SAMD4A: variants seen among roughly 807,000 people sequenced by gnomAD.
The protein encoded by SAMD4A is protein Smaug homolog 1.
SAMD4A carries 33 observed loss-of-function variants against 81.3 expected under a neutral mutation model. The observed-to-expected ratio is 0.41, with a 90% CI of 0.31 to 0.54. SAMD4A has a LOEUF of 0.54. Ranked by LOEUF, SAMD4A falls within the 20% of genes least tolerant of loss-of-function variation. The probability of loss-of-function intolerance (pLI) is 0.37; values close to 1 mark genes in which losing one functional copy is unlikely to be tolerated. For missense variants in SAMD4A, 854 were observed against 951.1 expected (o/e 0.90, Z 1.34); for synonymous variants, 389 against 382.1 (o/e 1.02, Z -0.21).
intron 8 of SAMD4A, among the ~76,000 whole-genome samples, chr14:54,769,201 T>G (rs2038638195): frequency 6.6e-6 from 1 of 152,216 alleles, no homozygotes; most frequent in African/African-American, 2.4e-5. Context: ...GCAGCAGAAT[T>G]ACCAGGGCAC....
chr14:54,580,295 A>G (rs2033426557), intron 2 of SAMD4A, among the ~76,000 whole-genome samples: 2 of 152,214 alleles, frequency 1.3e-5, no homozygotes, highest in Non-Finnish European at 2.9e-5. Context: ...TTCAAAGACT[A>G]CATTCATTAA....
chr14:54,733,615 A>G (rs745966086), intron 3 of SAMD4A, among the ~76,000 whole-genome samples: 2 of 151,716 alleles, frequency 1.3e-5, no homozygotes, highest in Admixed American at 6.6e-5. Flanking sequence ...CTAGGTTGAG[A>G]TTTTTTTTTA....
chr14:54,766,555 G>A (rs1051283657), intron 8 of SAMD4A, among the ~76,000 whole-genome samples: 2 of 152,186 alleles, frequency 1.3e-5, no homozygotes, highest in African/African-American at 2.4e-5. Flanking sequence ...AAAGGCAAGC[G>A]AGAGTCCTGG....
rs182137827 is a variant in SAMD4A, at chr14:54,599,926, C to T, written c.196+31814C>T. Among the ~76,000 whole-genome samples the T allele has an allele frequency of 3.5e-3, 526 of 152,204 alleles. 5 individuals are homozygous for T. The highest frequency in any genetic ancestry group is 0.01 in the African/African-American group (435 of 41,520). ...ATCTCTTCATCTGAAATAAAAATTT[C>T]GAGAGAGTTTATAGATTTGTAGTCT... On this transcript the variant is annotated intron_variant, in intron 2 of 12. Transcript: ENST00000554335.
At chr14:54,756,620 T>A (rs1364179800) in intron 6 of SAMD4A, among the ~76,000 whole-genome samples, 3 of 152,194 alleles carry the variant, frequency 2.0e-5, no homozygotes, top group Non-Finnish European at 4.4e-5. Flanking sequence ...GAGGAAAGAA[T>A]GGATGCGCTA....
intron 2 of SAMD4A, among the ~76,000 whole-genome samples, chr14:54,673,223 A>G (rs1368187833): frequency 6.6e-6 from 1 of 152,220 alleles, no homozygotes; most frequent in Non-Finnish European, 1.5e-5. Context: ...CTGACAGCCA[A>G]GTCACCCCAA....
At chr14:54,720,360 A>G (rs889645704) in intron 3 of SAMD4A, among the ~76,000 whole-genome samples, 2 of 152,190 alleles carry the variant, frequency 1.3e-5, no homozygotes, top group East Asian at 3.8e-4. Flanking sequence ...GTCTCAAATA[A>G]GAAGCATTCC....
chr14:54,575,506 G>T (rs1489152269), intron 2 of SAMD4A, among the ~76,000 whole-genome samples: 1 of 152,162 alleles, frequency 6.6e-6, no homozygotes, highest in African/African-American at 2.4e-5. Context: ...TAGCTCTGGC[G>T]GTGGGACCTC....
rs754093338 is a variant in SAMD4A at position 54,702,447 on chromosome 14, G to T, written c.582G>T (p.Arg194=). 18 of 1,614,078 alleles carry T rather than the reference G, an allele frequency of 1.1e-5. No homozygotes were observed. The Admixed American group carries it at 3.0e-4, about 27-fold the overall frequency. Residue 194 remains arginine (R), a synonymous_variant, in exon 3 of 13, where the codon CGG becomes CGT. Coordinates refer to ENST00000554335, the MANE Select transcript of SAMD4A (RefSeq NM_015589.6). The stretch of plus-strand genomic sequence containing the variant: ...AGCTCAATGGGTGGCAGAACTCTCG[G>T]GATTCTGGGATTTGCATCAATGCCT... The part of the protein sequence containing the change: ...DDKLNGWQNS[R]DSGICINASN...
intron 2 of SAMD4A, chr14:54,688,195 T>C: frequency 1.0e-6 from 1 of 985,488 alleles, no homozygotes. Context: ...GGTCCTCTAA[T>C]CAAGAGAATT....
rs555424693 is a variant in SAMD4A at position 54,788,704 on chromosome 14, C to T, written c.2129-212C>T. On this transcript the variant is annotated intron_variant, in intron 12 of 12. Coordinates refer to ENST00000554335, the MANE Select transcript of SAMD4A (RefSeq NM_015589.6). ...GGAGGTGAGGATTAGATATTTTCAT[C>T]TTGGTTCTCAGGTTCAATATGGCTC... Among the ~76,000 whole-genome samples the T allele has an allele frequency of 1.5e-4, 23 of 152,324 alleles. No homozygotes were observed. The South Asian group carries it at 4.6e-3, about 30-fold the overall frequency.
intron 3 of SAMD4A, among the ~76,000 whole-genome samples, chr14:54,713,917 T>A (rs1430878388): frequency 6.6e-6 from 1 of 152,198 alleles, no homozygotes; most frequent in Non-Finnish European, 1.5e-5. Context: ...GACAAGTTAC[T>A]TGACCTCTAA....
intron 4 of SAMD4A, among the ~76,000 whole-genome samples, chr14:54,747,282 A>G (rs1400580780): frequency 6.6e-6 from 1 of 152,242 alleles, no homozygotes; most frequent in East Asian, 1.9e-4. Flanking sequence ...TTCTCCAGAA[A>G]TTCCCCTTCA....
Position 54,784,570 on chromosome 14 carries a change from A to G in SAMD4A, c.2078A>G (p.Asn693Ser). The G allele has an allele frequency of 6.2e-7, 1 of 1,614,124 alleles. No individual in the cohort carries two copies. The highest frequency in any genetic ancestry group is 8.5e-7 in the Non-Finnish European group (1 of 1,179,994). Residue 693 changes from asparagine (N) to serine (S), a missense_variant, in exon 12 of 13, where the codon AAC becomes AGC. Asn to Ser is a conservative substitution (Grantham distance 46). This residue lies in a region of SAMD4A where 428 missense variants were observed against 471.2 expected (regional missense o/e 0.91). Transcript: ENST00000554335. ...CTTCCCGTGACCGAACCTGACATCA[A>G]CAACAGGCTGGAGTCGTTGTGCCTC... ...FQLPVTEPDI[N>S]NRLESLCLSM...
upstream of SAMD4A, among the ~76,000 whole-genome samples, chr14:54,566,216 G>T (rs923548614): frequency 1.3e-5 from 2 of 151,188 alleles, no homozygotes; most frequent in Admixed American, 6.6e-5. Context: ...CATGGCCCGC[G>T]GCCGGCGCTC....
intron 2 of SAMD4A, among the ~76,000 whole-genome samples, chr14:54,605,806 T>A (rs917458650): frequency 6.6e-6 from 1 of 152,006 alleles, no homozygotes; most frequent in Non-Finnish European, 1.5e-5. Context: ...TATATATATA[T>A]ATGTATATAT....
chr14:54,719,202 A>C (rs1363988728), intron 3 of SAMD4A, among the ~76,000 whole-genome samples: 1 of 152,014 alleles, frequency 6.6e-6, no homozygotes, highest in Non-Finnish European at 1.5e-5. Flanking sequence ...CTTGACACCC[A>C]GATTTATCTT....
intron 8 of SAMD4A, among the ~76,000 whole-genome samples, chr14:54,769,480 T>C (rs2038644916): frequency 6.6e-6 from 1 of 152,152 alleles, no homozygotes; most frequent in African/African-American, 2.4e-5. Flanking sequence ...ACACACCAGT[T>C]TTGCTAGAAA....
chr14:54,763,987 C>T (rs990022121), intron 7 of SAMD4A, among the ~76,000 whole-genome samples: 1 of 152,202 alleles, frequency 6.6e-6, no homozygotes, highest in African/African-American at 2.4e-5. Context: ...ACCTCCCCGT[C>T]TCCAGGAGGT....
Sources: gnomAD v4.1 joint callset for allele counts (sites outside exome capture counted in the v4.1 genomes callset) on GRCh38, gnomAD v4.1.1 for gene constraint, gnomAD v4.1.1 regional missense constraint, MANE v1.5 for transcripts, NCBI Gene and HGNC (gene_info 2026-07-23, HGNC 2026-07-21) for gene names.